Variants in RCBTB2 observed in about 807,000 individuals in gnomAD.
RCBTB2 encodes RCC1 and BTB domain containing protein 2, also known as RCC1 and BTB domain-containing protein 2.
In RCBTB2, 55 loss-of-function variants were observed where a neutral mutation model predicts 65.4. The ratio of observed to expected loss-of-function variants is 0.84; its 90% CI spans 0.68 to 1.05. The LOEUF (loss-of-function observed/expected upper bound fraction) is 1.05, where lower values mean the gene tolerates loss of function less well. RCBTB2 is among the 50% of genes least tolerant of loss of function. The pLI is 0.00. For missense variants in RCBTB2, 599 were observed against 680.1 expected, an observed-to-expected ratio of 0.88 and a Z score of 1.33; for synonymous variants, 220 against 255.2, an observed-to-expected ratio of 0.86 and a Z score of 1.31.
intron 4 of RCBTB2, among the ~76,000 whole-genome samples, chr13:48,519,019 C>T (rs1951265186): frequency 6.6e-6 from 1 of 152,012 alleles, no homozygotes; most frequent in Non-Finnish European, 1.5e-5. Context: ...ATCTTCACAA[C>T]AATTGTAGGA....
intron 2 of RCBTB2, among the ~76,000 whole-genome samples, chr13:48,524,353 A>T (rs1482284331): frequency 6.6e-6 from 1 of 152,226 alleles, no homozygotes; most frequent in African/African-American, 2.4e-5. Context: ...AGCAATAACA[A>T]CAGTAAAAAT....
intron 11 of RCBTB2, among the ~76,000 whole-genome samples, 189 bp downstream of exon 11, chr13:48,502,535 T>G (rs573886741): frequency 2.6e-4 from 40 of 152,258 alleles, no homozygotes; most frequent in African/African-American, 8.7e-4. Flanking sequence ...ATAAAATTAC[T>G]TTTAGTTTAG....
chr13:48,532,486 GA>G (rs1468347732), intron 1 of RCBTB2: 1 of 153,250 alleles, frequency 6.5e-6, no homozygotes, highest in Non-Finnish European at 1.5e-5. Flanking sequence ...CCACAGAAAT[GA>G]AAACATCGGC....
chr13:48,498,908 C>T (rs961334492), intron 13 of RCBTB2, among the ~76,000 whole-genome samples: 1 of 152,046 alleles, frequency 6.6e-6, no homozygotes, highest in African/African-American at 2.4e-5. Context: ...CCTCTCATCC[C>T]ATCTATCAAC....
intron 10 of RCBTB2, chr13:48,504,225 C>A (rs1232663689): frequency 1.0e-6 from 1 of 985,286 alleles, no homozygotes; most frequent in East Asian, 1.1e-4. Context: ...CCCCAACTCA[C>A]ACAGTGCTGG....
At chr13:48,523,810 T>C (rs1338502832) in intron 2 of RCBTB2, among the ~76,000 whole-genome samples, 1 of 152,118 alleles carries the variant, frequency 6.6e-6, no homozygotes, top group Non-Finnish European at 1.5e-5. Flanking sequence ...AATAACCTCT[T>C]TTCAGTGTCT....
rs750113256 is a variant in RCBTB2, at chr13:48,512,189, G to A, written c.517-15C>T. On this transcript the variant is annotated splice_polypyrimidine_tract_variant and intron_variant, in intron 7 of 14. Coordinates refer to ENST00000344532, the MANE Select transcript of RCBTB2 (RefSeq NM_001268.4). ...CAGGCAAATACCTGTTTAAAGGAAA[G>A]ATCAGTAAATGAAACAGATTAATTT... The A allele has an allele frequency of 6.2e-7, 1 of 1,605,216 alleles. No individual in the cohort carries two copies. The highest frequency in any genetic ancestry group is 8.5e-7 in the Non-Finnish European group (1 of 1,172,830).
chr13:48,492,864 A>G (rs1373228992), intron 14 of RCBTB2, among the ~76,000 whole-genome samples: 1 of 152,104 alleles, frequency 6.6e-6, no homozygotes, highest in African/African-American at 2.4e-5. Flanking sequence ...ACTTCAGCAC[A>G]TTTCTCTCTG....
chr13:48,506,697 T>G (rs1236192524), intron 10 of RCBTB2, among the ~76,000 whole-genome samples: 1 of 152,166 alleles, frequency 6.6e-6, no homozygotes, highest in East Asian at 1.9e-4. Flanking sequence ...CCACCTCAAT[T>G]GTAAAGCCAT....
chr13:48,528,693 C>A (rs1386562874), intron 1 of RCBTB2, among the ~76,000 whole-genome samples: 2 of 151,980 alleles, frequency 1.3e-5, no homozygotes, highest in African/African-American at 4.8e-5. Context: ...AATACGTATA[C>A]AATAAAACAT....
intron 9 of RCBTB2, among the ~76,000 whole-genome samples, chr13:48,511,190 A>G (rs1950773733): frequency 6.6e-6 from 1 of 152,210 alleles, no homozygotes; most frequent in South Asian, 2.1e-4. Flanking sequence ...ACATAGAGAT[A>G]TGTACCTATA....
intron 9 of RCBTB2, 32 bp from the exon 10 acceptor site, chr13:48,510,803 A>G: frequency 6.3e-7 from 1 of 1,577,644 alleles, no homozygotes; most frequent in Non-Finnish European, 8.7e-7. Context: ...CAGGACTGCA[A>G]ATATAAGTAA....
At chr13:48,509,035 A>T (rs1408065230) in intron 10 of RCBTB2, among the ~76,000 whole-genome samples, 4 of 152,204 alleles carry the variant, frequency 2.6e-5, no homozygotes, top group Non-Finnish European at 5.9e-5. Flanking sequence ...AGCACCATAA[A>T]AAGTAATGGG....
At chr13:48,535,382 A>G (rs570301246), upstream of RCBTB2, among the ~76,000 whole-genome samples, 101 of 152,050 alleles carry the variant, frequency 6.6e-4, no homozygotes, top group African/African-American at 2.2e-3. Context: ...AAGCCTCCCA[A>G]GTAGTTGGAA....
intron 13 of RCBTB2, among the ~76,000 whole-genome samples, chr13:48,499,142 ACTCTCTCTCTCTCTCTCTCT>A (rs568053175): frequency 3.0e-5 from 4 of 132,278 alleles, no homozygotes; most frequent in Admixed American, 7.4e-5. Context: ...ACACACACAC[ACTCTCTCTCTCTCTCTCTCT>A]CTCTCTCACA....
At chr13:48,534,753 A>G (rs1020446166), upstream of RCBTB2, among the ~76,000 whole-genome samples, 1 of 152,260 alleles carries the variant, frequency 6.6e-6, no homozygotes, top group South Asian at 2.1e-4. Context: ...TCCATCACAT[A>G]TAAGTTTCCT....
At position 48,490,271 on chromosome 13, in the gene RCBTB2, T is replaced by C. The variant is rs1056410161; in HGVS notation, c.1516-20A>G. 6.2e-6 allele frequency: 10 copies of C among 1,601,422 alleles called. No individual in the cohort carries two copies. The highest frequency in any genetic ancestry group is 8.5e-6 in the Non-Finnish European group (10 of 1,172,072). On this transcript the variant is annotated intron_variant, in intron 14 of 14. Coordinates refer to ENST00000344532, the MANE Select transcript of RCBTB2 (RefSeq NM_001268.4). ...TAAATCCTAGGAACAACAACAAAGA[T>C]GGTTTAATAAATTCATATTTACTAA...
In RCBTB2 at chr13:48,499,691, A is replaced by G; in HGVS notation, c.1314T>C (p.Tyr438=). The G allele has an allele frequency of 6.2e-7, 1 of 1,614,190 alleles. No individual in the cohort carries two copies. The highest frequency in any genetic ancestry group is 8.5e-7 in the Non-Finnish European group (1 of 1,180,016). Residue 438 remains tyrosine, a synonymous_variant, in exon 13 of 15, where the codon TAT becomes TAC. Transcript: ENST00000344532. ...DDIVEMSEFS[Y]PVYRAFLEYL... is the part of the protein sequence containing the mutation. ...ATTCCAGGAAGGCCCGGTAAACAGG[A>G]TATGAAAATTCACTCATTTCTACAA...
chr13:48,533,832 C>T (rs939616609), upstream of RCBTB2, among the ~76,000 whole-genome samples: 3 of 152,186 alleles, frequency 2.0e-5, no homozygotes, highest in Non-Finnish European at 4.4e-5. Context: ...TGGTTAAATG[C>T]TCAACAATTA....
Sources: allele counts gnomAD v4.1 joint callset (sites outside exome capture counted in the v4.1 genomes callset), GRCh38; gene constraint gnomAD v4.1.1; transcripts MANE v1.5; gene names NCBI Gene and HGNC (gene_info 2026-07-23, HGNC 2026-07-21).